The following PCNX4 variants were observed in gnomAD, a reference collection of about 807,000 sequenced individuals.
PCNX4 encodes the protein pecanex-like protein 4.
A neutral mutation model predicts 107.2 loss-of-function variants in PCNX4; 103 were observed. The observed-to-expected ratio is 0.96, with a 90% confidence interval of 0.82 to 1.13. The LOEUF is 1.13. PCNX4 is among the 50% of genes most tolerant of loss of function. The pLI, the probability that PCNX4 is intolerant of heterozygous loss-of-function variation, is 0.00. For synonymous variants in PCNX4, 541 were observed against 481.7 expected, an observed-to-expected ratio of 1.12 and a Z score of -1.61; for missense variants, 1,528 against 1,379.4, an observed-to-expected ratio of 1.11 and a Z score of -1.71.
At chr14:60,129,724 A>G (rs1896120667) in intron 10 of PCNX4, among the ~76,000 whole-genome samples, 1 of 152,232 alleles carries the variant, frequency 6.6e-6, no homozygotes, top group Non-Finnish European at 1.5e-5. Context: ...AAGAAAAGGA[A>G]CTAGAACGTT....
intron 1 of PCNX4, among the ~76,000 whole-genome samples, chr14:60,100,887 A>G (rs996588776): frequency 2.0e-5 from 3 of 152,252 alleles, no homozygotes; most frequent in Non-Finnish European, 4.4e-5. Context: ...TCCACATTCT[A>G]TAATGAGTCC....
intron 2 of PCNX4, among the ~76,000 whole-genome samples, chr14:60,113,866 T>G: frequency 6.6e-6 from 1 of 152,198 alleles, no homozygotes; most frequent in East Asian, 1.9e-4. Flanking sequence ...TGATAATGTT[T>G]GTACTCTGTG....
intron 2 of PCNX4, chr14:60,110,188 GA>G (rs1378321785): frequency 6.0e-6 from 1 of 167,182 alleles, no homozygotes; most frequent in African/African-American, 2.4e-5. Flanking sequence ...AGTGGTTGGA[GA>G]CAGGAAGTAA....
chr14:60,092,856 A>G (rs1014426397), intron 1 of PCNX4, among the ~76,000 whole-genome samples: 1 of 152,196 alleles, frequency 6.6e-6, no homozygotes, highest in African/African-American at 2.4e-5. Context: ...TTGTCTCTCC[A>G]GGACCAGAAT....
At chr14:60,098,370 C>G (rs1895466711) in intron 1 of PCNX4, among the ~76,000 whole-genome samples, 1 of 152,232 alleles carries the variant, frequency 6.6e-6, no homozygotes. Flanking sequence ...GGTTTATTCT[C>G]CAAAACAAAC....
Position 60,107,978 on chromosome 14 carries a change from G to A in PCNX4, c.340G>A (p.Asp114Asn), listed in dbSNP as rs1895662097. ...AACCACGGATATCTTAGCAGAGGAGGATGAGCATGAATTTACCAGTTGTAC... is the reference window on the plus strand; with the variant it reads ...AACCACGGATATCTTAGCAGAGGAGAATGAGCATGAATTTACCAGTTGTAC... ...ILTTDILAEE[D>N]EHEFTSCTGA... Residue 114 changes from aspartate to asparagine, a missense_variant, in exon 2 of 11, where the codon GAT becomes AAT. Physicochemically the swap from Asp to Asn is conservative, Grantham distance 23. Transcript: ENST00000406854. 1.9e-6 allele frequency: 3 copies of A among 1,612,710 alleles called. No homozygotes were observed. In the South Asian group the frequency reaches 3.3e-5, roughly 18 times the overall value.
chr14:60,145,049 ACTC>A lies in PCNX4; in HGVS notation c.*10831_*10833del. On this transcript the variant is annotated 3_prime_UTR_variant, in exon 11 of 11. Transcript: ENST00000406854. This position sits in a 1 kb window ranked among gnomAD's most constrained non-coding sequence, Gnocchi z 4.0. ...GGGACAGAAACATGGATCAGTACCT[ACTC>A]CTATTTACTCCAGTTTTTAACATTT... The A allele has an allele frequency of 1.5e-6, 2 of 1,365,314 alleles. No individual in the cohort carries two copies. Among genetic ancestry groups the A allele is most frequent in the Non-Finnish European group, 2.0e-6 (2 of 1,020,224 alleles). 84.6% of individuals were successfully genotyped at this position (1,365,314 alleles called of 1,614,324 possible). A position where few individuals can be genotyped will look rare whatever the true frequency, so the allele number is the denominator to read the frequency against.
rs1040819879 is a variant in PCNX4, at chr14:60,137,613, G to T, written c.*3392G>T. ...TGAAAATCCGAAAGAAGCGACAGAT[G>T]ATGGGACAGAGCCACAGGGGACCCA... On this transcript the variant is annotated 3_prime_UTR_variant, in exon 11 of 11. Transcript: ENST00000406854. 6.6e-6 allele frequency: 1 copy of T among 152,256 alleles called. No individual in the cohort carries two copies. The highest frequency in any genetic ancestry group is 2.4e-5 in the African/African-American group (1 of 41,450). 9.4% of individuals were successfully genotyped at this position (152,256 alleles called of 1,614,324 possible).
rs1895494819 is a variant in PCNX4, at chr14:60,099,797, C to T, written c.-54+7378C>T. Among the ~76,000 whole-genome samples, 4 of 152,272 alleles carry T rather than the reference C, an allele frequency of 2.6e-5. No individual in the cohort carries two copies. The South Asian group carries it at 8.3e-4, about 32-fold the overall frequency. ...AATGGTCAGGTGCAGTGGCTCATGC[C>T]TGTAATCCCTAATTCCAGCACTTTG... On this transcript the variant is annotated intron_variant, in intron 1 of 10. Coordinates refer to ENST00000406854, the MANE Select transcript of PCNX4 (RefSeq NM_001330177.2).
In PCNX4 at chr14:60,141,022, A is replaced by G. The variant is rs1019404515; in HGVS notation, c.*6801A>G. The G allele has an allele frequency of 6.6e-6, 1 of 152,336 alleles. No individual in the cohort carries two copies. Among genetic ancestry groups the G allele is most frequent in the Non-Finnish European group, 1.5e-5 (1 of 68,024 alleles). The allele number at this position is 152,336 out of a possible 1,614,324, so 9.4% of individuals were successfully genotyped here. A position where few individuals can be genotyped will look rare whatever the true frequency, so the allele number is the denominator to read the frequency against. ...GGGACAGGGAAAATTAATTTTCCCT[A>G]CTTATAAAGATGAAAGAGGCAGCCA... On this transcript the variant is annotated 3_prime_UTR_variant, in exon 11 of 11. Transcript: ENST00000406854.
intron 10 of PCNX4, among the ~76,000 whole-genome samples, chr14:60,129,270 A>G (rs1896111969): frequency 6.6e-6 from 1 of 151,346 alleles, no homozygotes; most frequent in African/African-American, 2.4e-5. Flanking sequence ...TAACATAACA[A>G]GGCTGGGCAT....
chr14:60,114,661 A>G (rs745570603), intron 2 of PCNX4, 39 bp from the exon 3 acceptor site: 8 of 1,542,620 alleles, frequency 5.2e-6, no homozygotes, highest in Non-Finnish European at 7.1e-6. Context: ...CCTCTTCTAT[A>G]TATTTCGTGT....
rs971551131 is a variant in PCNX4 at position 60,146,914 on chromosome 14, G to A, written c.*12693G>A. On this transcript the variant is annotated 3_prime_UTR_variant, in exon 11 of 11. Transcript: ENST00000406854. The surrounding 1 kb of genome is among the most constrained non-coding windows in gnomAD (Gnocchi z 4.9). ...TGGTTGCCAGGAGCCAGAAGATGGAGGAAATGGGGAGATCTTGGTCAAAAG... is the reference window on the plus strand; with the variant it reads ...TGGTTGCCAGGAGCCAGAAGATGGAAGAAATGGGGAGATCTTGGTCAAAAG... 9 of 152,314 alleles carry A rather than the reference G, an allele frequency of 5.9e-5. No homozygotes were observed. The highest frequency in any genetic ancestry group is 2.2e-4 in the African/African-American group (9 of 41,548). The allele number at this position is 152,314 out of a possible 1,614,324, so 9.4% of individuals were successfully genotyped here.
chr14:60,121,548 C>T (rs1196321934), intron 8 of PCNX4, among the ~76,000 whole-genome samples: 1 of 151,940 alleles, frequency 6.6e-6, no homozygotes, highest in African/African-American at 2.4e-5. Flanking sequence ...CTTGTTATCT[C>T]TGTCAAGTTG....
chr14:60,146,403 T>C lies in PCNX4; in HGVS notation c.*12182T>C, dbSNP rs1281715157. ...CCCTTTGAAAAAAAAATCACTTCTA[T>C]AATATATTCTTTCTCTGCCCTATTA... On this transcript the variant is annotated 3_prime_UTR_variant, in exon 11 of 11. Transcript: ENST00000406854. The surrounding 1 kb of genome is among the most constrained non-coding windows in gnomAD (Gnocchi z 4.9). 1.3e-5 allele frequency: 2 copies of C among 152,172 alleles called. No individual in the cohort carries two copies. Among genetic ancestry groups the C allele is most frequent in the Non-Finnish European group, 2.9e-5 (2 of 68,016 alleles). 9.4% of individuals were successfully genotyped at this position (152,172 alleles called of 1,614,324 possible).
chr14:60,129,087 G>A (rs1896107564), intron 10 of PCNX4, among the ~76,000 whole-genome samples: 1 of 151,780 alleles, frequency 6.6e-6, no homozygotes, highest in Admixed American at 6.6e-5. Context: ...GTGGTGGTGG[G>A]TGCCTGTAAT....
intron 1 of PCNX4, among the ~76,000 whole-genome samples, chr14:60,101,621 C>G (rs966780644): frequency 1.3e-5 from 2 of 151,950 alleles, no homozygotes; most frequent in African/African-American, 4.8e-5. Flanking sequence ...GAATTGGAAC[C>G]CTTGTATGCT....
chr14:60,115,206 T>C lies in PCNX4; in HGVS notation c.1102T>C (p.Leu368=). 1 of 1,613,732 alleles carries C rather than the reference T, an allele frequency of 6.2e-7. No homozygotes were observed. Among genetic ancestry groups the C allele is most frequent in the South Asian group, 1.1e-5 (1 of 91,070 alleles). The change falls in exon 4 of 11, where the codon TTA becomes CTA. Residue 368 remains leucine (L), a synonymous_variant. Coordinates refer to ENST00000406854, the MANE Select transcript of PCNX4 (RefSeq NM_001330177.2). ...FYIIILVLAL[L]ETSLLHHFAG... ...CATCATTATATTAGTCTTGGCTCTTTTAGAAACTAGCTTGCTTCATCACTT... is the reference window on the plus strand; with the variant it reads ...CATCATTATATTAGTCTTGGCTCTTCTAGAAACTAGCTTGCTTCATCACTT...
intron 6 of PCNX4, among the ~76,000 whole-genome samples, chr14:60,116,545 G>A (rs899441640): frequency 3.2e-4 from 49 of 152,196 alleles, no homozygotes; most frequent in African/African-American, 1.2e-3. Context: ...TCACGTGTTT[G>A]TGGTGATGTT....
Sources: gnomAD v4.1 joint callset for allele counts (sites outside exome capture counted in the v4.1 genomes callset) on GRCh38, gnomAD v4.1.1 for gene constraint, Gnocchi (gnomAD v3.1) non-coding constraint, MANE v1.5 for transcripts, NCBI Gene and HGNC (gene_info 2026-07-23, HGNC 2026-07-21) for gene names.